Variants in ARHGAP15 observed in about 807,000 individuals in gnomAD.
ARHGAP15 encodes the protein rho GTPase-activating protein 15.
Under a neutral mutation model 63.7 loss-of-function variants are expected in ARHGAP15, and 51 were observed. The ratio of observed to expected loss-of-function variants is 0.80; its 90% CI spans 0.64 to 1.01. The LOEUF is 1.01. Among genes scored for constraint, ARHGAP15 ranks in the 50% least tolerant of loss-of-function variants. The pLI, the probability that ARHGAP15 is intolerant of heterozygous loss-of-function variation, is 0.00. For missense variants in ARHGAP15, 560 were observed against 564.6 expected, an observed-to-expected ratio of 0.99 and a Z score of 0.08; for synonymous variants, 191 against 193.8, an observed-to-expected ratio of 0.99 and a Z score of 0.12.
intron 4 of ARHGAP15, among the ~76,000 whole-genome samples, chr2:143,224,340 A>G (rs35904384): frequency 0.15 from 22,146 of 152,166 alleles, 1,690 homozygotes; most frequent in Middle Eastern, 0.24. Flanking sequence ...AGCAAACATA[A>G]AGCAGAAAAA....
intron 13 of ARHGAP15, among the ~76,000 whole-genome samples, chr2:143,731,274 G>A (rs1685522539): frequency 6.6e-6 from 1 of 152,070 alleles, no homozygotes; most frequent in Non-Finnish European, 1.5e-5. Context: ...AATTATTCTA[G>A]GTCGTTAAAT....
chr2:143,207,913 C>T (rs911925181), intron 3 of ARHGAP15, among the ~76,000 whole-genome samples: 1 of 151,914 alleles, frequency 6.6e-6, no homozygotes, highest in African/African-American at 2.4e-5. Context: ...TTCTTTTTAC[C>T]AGGACTCACA....
chr2:143,381,639 C>G (rs1471335854), intron 6 of ARHGAP15, among the ~76,000 whole-genome samples: 1 of 152,138 alleles, frequency 6.6e-6, no homozygotes, highest in Non-Finnish European at 1.5e-5. Flanking sequence ...TTTGGGGGAG[C>G]AGTTCCTGGG....
At chr2:143,399,718 A>G (rs190618631) in intron 6 of ARHGAP15, among the ~76,000 whole-genome samples, 1 of 152,092 alleles carries the variant, frequency 6.6e-6, no homozygotes, top group East Asian at 1.9e-4. Flanking sequence ...TTAGGCAACC[A>G]GAACTCCAAC....
chr2:143,151,068 T>A (rs1689794547), intron 1 of ARHGAP15, among the ~76,000 whole-genome samples: 1 of 152,008 alleles, frequency 6.6e-6, no homozygotes, highest in South Asian at 2.1e-4. Context: ...GGAATAATAA[T>A]GCAGAAAGAC....
intron 6 of ARHGAP15, among the ~76,000 whole-genome samples, chr2:143,274,887 A>C (rs971806581): frequency 6.6e-6 from 1 of 152,130 alleles, no homozygotes; most frequent in Admixed American, 6.6e-5. Context: ...CTGTGCAATG[A>C]TGTAACCACC....
chr2:143,713,929 G>A (rs1684696528), intron 13 of ARHGAP15, among the ~76,000 whole-genome samples: 1 of 152,204 alleles, frequency 6.6e-6, no homozygotes, highest in African/African-American at 2.4e-5. Context: ...TCGAGTGTCT[G>A]CAGCTTTTCT....
At chr2:143,315,939 A>C (rs1683683437) in intron 6 of ARHGAP15, among the ~76,000 whole-genome samples, 1 of 151,948 alleles carries the variant, frequency 6.6e-6, no homozygotes, top group African/African-American at 2.4e-5. Flanking sequence ...ACAAAAAATT[A>C]GCTGGGCGTG....
chr2:143,605,097 C>T (rs374987494), intron 11 of ARHGAP15, among the ~76,000 whole-genome samples: 5 of 151,926 alleles, frequency 3.3e-5, no homozygotes, highest in South Asian at 4.2e-4. Flanking sequence ...TTAGTAGAGA[C>T]GGGATTTTAC....
At chr2:143,626,582 G>A (rs1055005138) in intron 12 of ARHGAP15, among the ~76,000 whole-genome samples, 100 of 152,220 alleles carry the variant, frequency 6.6e-4, no homozygotes, top group African/African-American at 2.3e-3. Context: ...GCTGGCTGGG[G>A]TGGCCAGCTT....
At chr2:143,755,688 A>C (rs569034175) in intron 13 of ARHGAP15, among the ~76,000 whole-genome samples, 110 of 152,268 alleles carry the variant, frequency 7.2e-4, no homozygotes, top group African/African-American at 2.5e-3. Context: ...GAAAGTGTCT[A>C]AAACTGGCCA....
intron 6 of ARHGAP15, among the ~76,000 whole-genome samples, chr2:143,333,636 T>C (rs1684644912): frequency 6.6e-6 from 1 of 152,194 alleles, no homozygotes; most frequent in Non-Finnish European, 1.5e-5. Context: ...CCTCCTGCAG[T>C]AATGGCTGTG....
At chr2:143,574,796 A>G (rs969981086) in intron 11 of ARHGAP15, among the ~76,000 whole-genome samples, 10 of 152,180 alleles carry the variant, frequency 6.6e-5, no homozygotes, top group Admixed American at 2.6e-4. Flanking sequence ...GACAGCAAAC[A>G]CTTCAACTAT....
At chr2:143,140,474 G>T (rs1470431518) in intron 1 of ARHGAP15, among the ~76,000 whole-genome samples, 5 of 152,080 alleles carry the variant, frequency 3.3e-5, no homozygotes, top group Non-Finnish European at 5.9e-5. Flanking sequence ...CACGAGGAGA[G>T]AAAAGAAAGT....
intron 6 of ARHGAP15, among the ~76,000 whole-genome samples, chr2:143,422,902 G>A (rs1238453430): frequency 6.6e-6 from 1 of 152,086 alleles, no homozygotes; most frequent in Non-Finnish European, 1.5e-5. Flanking sequence ...ACAGAAATGA[G>A]CTTTGGCAAA....
intron 9 of ARHGAP15, among the ~76,000 whole-genome samples, chr2:143,512,989 G>A (rs920844352): frequency 3.9e-5 from 6 of 152,198 alleles, no homozygotes; most frequent in African/African-American, 1.2e-4. Context: ...TAGAAGAAGC[G>A]TTGCTTTGTT....
chr2:143,135,435 A>T (rs543152694), intron 1 of ARHGAP15, among the ~76,000 whole-genome samples: 7 of 152,282 alleles, frequency 4.6e-5, no homozygotes, highest in African/African-American at 1.7e-4. Flanking sequence ...TGTCCTAAGG[A>T]TTGCTGGAGA....
At chr2:143,635,968 AT>A (rs1268021536) in intron 12 of ARHGAP15, among the ~76,000 whole-genome samples, 1 of 152,172 alleles carries the variant, frequency 6.6e-6, no homozygotes, top group Admixed American at 6.6e-5. Flanking sequence ...TTAATTACAT[AT>A]AACACCTTTA....
At chr2:143,201,922 G>A (rs886373281) in intron 2 of ARHGAP15, among the ~76,000 whole-genome samples, 2 of 152,134 alleles carry the variant, frequency 1.3e-5, no homozygotes, top group African/African-American at 4.8e-5. Context: ...TACATGGTAA[G>A]AAGAGAATTG....
Sources: allele counts gnomAD v4.1 joint callset (sites outside exome capture counted in the v4.1 genomes callset), GRCh38; gene constraint gnomAD v4.1.1; transcripts MANE v1.5; gene names NCBI Gene and HGNC (gene_info 2026-07-23, HGNC 2026-07-21).